The following TEX11 variants were observed in gnomAD, a reference collection of about 807,000 sequenced individuals.
TEX11 encodes the protein testis-expressed protein 11.
Under a neutral mutation model 84.4 loss-of-function variants are expected in TEX11, and 7 were observed. The observed-to-expected ratio is 0.08, with a 90% confidence interval of 0.05 to 0.16. The LOEUF (loss-of-function observed/expected upper bound fraction) is 0.16. Among genes scored for constraint, TEX11 ranks in the 10% least tolerant of loss-of-function variants. The pLI is 1.00. For synonymous variants in TEX11, 264 were observed against 222.8 expected (o/e 1.18, Z -1.64); for missense variants, 551 against 660.5 (o/e 0.83, Z 1.82).
chrX:70,747,105 A>G (rs1320461620), intron 9 of TEX11, among the ~76,000 whole-genome samples: 2 of 111,950 alleles, frequency 1.8e-5, no homozygotes, highest in African/African-American at 6.5e-5. Flanking sequence ...CATGCTCAAG[A>G]CTGCTTTCTT....
chrX:70,534,090 CAAAAA>C (rs1168310559), intron 28 of TEX11, among the ~76,000 whole-genome samples: 1 of 21,730 alleles, frequency 4.6e-5, no homozygotes, highest in African/African-American at 2.2e-4. Flanking sequence ...GACTCCATCT[CAAAAA>C]AAAAAAAAAA....
chrX:70,544,836 CAAAAAAAA>C (rs140403649), intron 28 of TEX11, among the ~76,000 whole-genome samples: 3 of 26,420 alleles, frequency 1.1e-4, no homozygotes, highest in Non-Finnish European at 2.3e-4. Flanking sequence ...GACTCCATCT[CAAAAAAAA>C]AAAAAAAAAA....
intron 9 of TEX11, among the ~76,000 whole-genome samples, chrX:70,781,805 T>C (rs1250819856): frequency 1.8e-5 from 2 of 111,176 alleles, no homozygotes; most frequent in Admixed American, 1.9e-4. Context: ...CTCCAAGAAA[T>C]ATGGGACCAT....
At chrX:70,711,428 C>A (rs1304346155) in intron 13 of TEX11, among the ~76,000 whole-genome samples, 2 of 109,499 alleles carry the variant, frequency 1.8e-5, no homozygotes, top group East Asian at 2.9e-4. Context: ...GTTCCTATTT[C>A]TCCACATCCT....
At chrX:70,774,800 T>A (rs903505955) in intron 9 of TEX11, among the ~76,000 whole-genome samples, 1 of 111,560 alleles carries the variant, frequency 9.0e-6, no homozygotes, top group Admixed American at 9.6e-5. Flanking sequence ...TCAGATTTAA[T>A]GCAATCCCTA....
chrX:70,781,088 C>T (rs2091036155), intron 9 of TEX11, among the ~76,000 whole-genome samples: 1 of 111,528 alleles, frequency 9.0e-6, no homozygotes, highest in Non-Finnish European at 1.9e-5. Flanking sequence ...GGCAGATGCC[C>T]CTCTGGGATG....
intron 9 of TEX11, among the ~76,000 whole-genome samples, chrX:70,759,638 C>T (rs953488593): frequency 9.0e-6 from 1 of 111,462 alleles, no homozygotes; most frequent in Non-Finnish European, 1.9e-5. Flanking sequence ...CTATTTATGA[C>T]GAACCCACAG....
At chrX:70,638,517 T>G (rs1036814376) in intron 17 of TEX11, among the ~76,000 whole-genome samples, 11 of 110,936 alleles carry the variant, frequency 9.9e-5, no homozygotes, top group African/African-American at 3.6e-4. Flanking sequence ...ATAAACAAAA[T>G]CACCAGGTAT....
chrX:70,686,620 T>C (rs1406634580), intron 13 of TEX11, among the ~76,000 whole-genome samples: 2 of 108,381 alleles, frequency 1.8e-5, no homozygotes, highest in Non-Finnish European at 3.8e-5. Context: ...GGTTGATAGG[T>C]GCAGCAAACC....
At chrX:70,595,370 C>T (rs2088991906) in intron 24 of TEX11, among the ~76,000 whole-genome samples, 1 of 111,700 alleles carries the variant, frequency 9.0e-6, no homozygotes, top group Non-Finnish European at 1.9e-5. Context: ...CAGGTGTGAG[C>T]TACCACACCC....
intron 26 of TEX11, 127 bp from the exon 27 acceptor site, chrX:70,553,541 T>C: frequency 2.4e-6 from 1 of 418,914 alleles, no homozygotes; most frequent in Admixed American, 4.7e-5. Context: ...TAAACAACAA[T>C]GAATTTTATA....
chrX:70,704,507 C>T (rs1014502366), intron 13 of TEX11, among the ~76,000 whole-genome samples: 2 of 111,295 alleles, frequency 1.8e-5, no homozygotes, highest in Non-Finnish European at 3.8e-5. Context: ...GAGTCCAGTA[C>T]TCGAAATCAT....
intron 9 of TEX11, among the ~76,000 whole-genome samples, chrX:70,759,275 A>G (rs1428431242): frequency 8.9e-6 from 1 of 112,012 alleles, no homozygotes; most frequent in Non-Finnish European, 1.9e-5. Context: ...TTATGAGGCC[A>G]ACATCATACT....
chrX:70,807,064 TA>T (rs762141181), intron 8 of TEX11, among the ~76,000 whole-genome samples: 5 of 112,417 alleles, frequency 4.4e-5, no homozygotes, highest in Non-Finnish European at 3.7e-5. Context: ...AGTATTACAA[TA>T]AATTACTAAT....
At chrX:70,772,169 C>T (rs780178945) in intron 9 of TEX11, among the ~76,000 whole-genome samples, 1 of 111,989 alleles carries the variant, frequency 8.9e-6, no homozygotes, top group African/African-American at 3.2e-5. Context: ...CCCAGAATCA[C>T]TAGACAGGCA....
chrX:70,518,061 A>T, the TEX11 span, among the ~76,000 whole-genome samples: 4 of 106,784 alleles, frequency 3.7e-5, no homozygotes, highest in Non-Finnish European at 7.7e-5. Context: ...GTTGATCTTT[A>T]AAAAAAAACA....
chrX:70,775,491 T>TA (rs758429906), intron 9 of TEX11, among the ~76,000 whole-genome samples: 312 of 109,373 alleles, frequency 2.9e-3, no homozygotes, highest in Middle Eastern at 0.014. Flanking sequence ...CCTCAACAAT[T>TA]AAAAAAAATC....
At chrX:70,584,835 T>C (rs777411624) in intron 25 of TEX11, among the ~76,000 whole-genome samples, 8 of 111,602 alleles carry the variant, frequency 7.2e-5, no homozygotes, top group Non-Finnish European at 1.5e-4. Context: ...AAATCCAAAA[T>C]ATTTTCAAGA....
intron 9 of TEX11, among the ~76,000 whole-genome samples, chrX:70,758,048 A>G (rs1057104912): frequency 3.6e-5 from 4 of 111,936 alleles, no homozygotes; most frequent in Non-Finnish European, 5.6e-5. Flanking sequence ...TAATGGTAAA[A>G]GGATCAGTTC....
Sources: gnomAD v4.1 joint callset for allele counts (sites outside exome capture counted in the v4.1 genomes callset) on GRCh38, gnomAD v4.1.1 for gene constraint, MANE v1.5 for transcripts, NCBI Gene and HGNC (gene_info 2026-07-23, HGNC 2026-07-21) for gene names.